The following PPARG variants were observed in gnomAD, a reference collection of about 807,000 sequenced individuals.
PPARG encodes peroxisome proliferator-activated receptor gamma.
A neutral mutation model predicts 39.2 loss-of-function variants in PPARG; 17 were observed. The ratio of observed to expected loss-of-function variants is 0.43; its 90% CI spans 0.30 to 0.65. The LOEUF (loss-of-function observed/expected upper bound fraction) is 0.65. Ranked by LOEUF, PPARG falls within the 30% of genes least tolerant of loss-of-function variation. The pLI, the probability that PPARG is intolerant of heterozygous loss-of-function variation, is 0.13. For synonymous variants in PPARG, 223 were observed against 215.7 expected (o/e 1.03, Z -0.30); for missense variants, 406 against 585.9 (o/e 0.69, Z 3.17).
At chr3:12,346,398 C>G (rs1186404104) in intron 2 of PPARG, among the ~76,000 whole-genome samples, 1 of 152,082 alleles carries the variant, frequency 6.6e-6, no homozygotes, top group African/African-American at 2.4e-5. Context: ...TATTCAGTAT[C>G]TCAACATTAA....
chr3:12,305,400 C>G (rs1319594807), intron 1 of PPARG, among the ~76,000 whole-genome samples: 2 of 152,130 alleles, frequency 1.3e-5, no homozygotes, highest in Non-Finnish European at 2.9e-5. Context: ...AAAGTATTGA[C>G]TCACTAATCT....
chr3:12,304,636 T>A (rs1365650796), intron 1 of PPARG, among the ~76,000 whole-genome samples: 1 of 152,246 alleles, frequency 6.6e-6, no homozygotes, highest in Non-Finnish European at 1.5e-5. Flanking sequence ...GTTATACTTT[T>A]CATTAAGATG....
At chr3:12,331,475 G>C (rs962722665) in intron 2 of PPARG, among the ~76,000 whole-genome samples, 1 of 152,162 alleles carries the variant, frequency 6.6e-6, no homozygotes, top group Non-Finnish European at 1.5e-5. Flanking sequence ...AGAGAAGCAA[G>C]AACTAGGTTA....
chr3:12,382,247 T>C (rs1006804459), intron 4 of PPARG, among the ~76,000 whole-genome samples: 1 of 152,160 alleles, frequency 6.6e-6, no homozygotes, highest in Non-Finnish European at 1.5e-5. Context: ...GGAAAGGAGA[T>C]ACTATTTATC....
At position 12,434,284 on chromosome 3, in the gene PPARG, AT is replaced by A; in HGVS notation, c.*141del. 4 of 1,096,908 alleles carry A rather than the reference AT, an allele frequency of 3.6e-6. No individual in the cohort carries two copies. The highest frequency in any genetic ancestry group is 5.3e-6 in the Non-Finnish European group (4 of 752,898). The allele number at this position is 1,096,908 out of a possible 1,614,324, so 67.9% of individuals were successfully genotyped here. A position where few individuals can be genotyped will look rare whatever the true frequency, so the allele number is the denominator to read the frequency against. ...TTAGAATATGATCTATTTTATGCATATTGTTTATAAAGACACATTTACAATT... is the reference window on the plus strand; with the variant it reads ...TTAGAATATGATCTATTTTATGCATATGTTTATAAAGACACATTTACAATT... On this transcript the variant is annotated 3_prime_UTR_variant, in exon 8 of 8. Coordinates refer to ENST00000651735, the MANE Select transcript of PPARG (RefSeq NM_138711.6). This position sits in a 1 kb window ranked among gnomAD's most constrained non-coding sequence, Gnocchi z 4.2.
intron 5 of PPARG, among the ~76,000 whole-genome samples, chr3:12,395,927 A>G (rs2050241541): frequency 6.6e-6 from 1 of 152,216 alleles, no homozygotes. Flanking sequence ...TGATCATTGC[A>G]TCAACTACTC....
Position 12,312,448 on chromosome 3 carries a change from T to G in PPARG, c.-14T>G, listed in dbSNP as rs970880720. 17 of 152,246 alleles carry G rather than the reference T, an allele frequency of 1.1e-4. No individual in the cohort carries two copies. Among genetic ancestry groups the G allele is most frequent in the African/African-American group, 4.1e-4 (17 of 41,470 alleles). 9.4% of individuals were successfully genotyped at this position (152,246 alleles called of 1,614,324 possible). A position where few individuals can be genotyped will look rare whatever the true frequency, so the allele number is the denominator to read the frequency against. On this transcript the variant is annotated 5_prime_UTR_variant, in exon 2 of 8. Coordinates refer to ENST00000651735, the MANE Select transcript of PPARG (RefSeq NM_138711.6). ...CATTTTCTCAAACGAGAGTCAGCCTTTAACGGTAAGTAAAATCAGAATTTA... is the reference window on the plus strand; with the variant it reads ...CATTTTCTCAAACGAGAGTCAGCCTGTAACGGTAAGTAAAATCAGAATTTA...
intron 2 of PPARG, among the ~76,000 whole-genome samples, chr3:12,334,993 G>C (rs2047969643): frequency 6.6e-6 from 1 of 152,198 alleles, no homozygotes; most frequent in Non-Finnish European, 1.5e-5. Context: ...TGAGTCACAA[G>C]GCCCATCATA....
At chr3:12,371,221 G>A (rs920772888) in intron 2 of PPARG, among the ~76,000 whole-genome samples, 27 of 152,286 alleles carry the variant, frequency 1.8e-4, no homozygotes, top group African/African-American at 5.8e-4. Context: ...TTCTACAGAT[G>A]GAGATTAGAT....
chr3:12,332,235 A>G (rs1009281229), intron 2 of PPARG, among the ~76,000 whole-genome samples: 21 of 152,352 alleles, frequency 1.4e-4, no homozygotes, highest in Non-Finnish European at 1.6e-4. Context: ...TTTCTTCAAC[A>G]TATTAAGCCA....
chr3:12,345,907 T>G (rs573118959), intron 2 of PPARG, among the ~76,000 whole-genome samples: 32 of 152,272 alleles, frequency 2.1e-4, no homozygotes, highest in African/African-American at 7.5e-4. Context: ...ATCTGAAAAC[T>G]GAAAAAGATA....
chr3:12,386,522 T>C (rs2049878356), intron 4 of PPARG, among the ~76,000 whole-genome samples: 1 of 143,390 alleles, frequency 7.0e-6, no homozygotes, highest in Non-Finnish European at 1.5e-5. Flanking sequence ...TTAATTCTCT[T>C]TTTTTTTTTT....
At position 12,370,086 on chromosome 3, in the gene PPARG, G is replaced by A. The variant is rs149904892; in HGVS notation, c.-8-9618G>A. ...GGTGGAGAACTCTGGGAAAGAGTAC[G>A]TGGGAGGTAACTTTTCTGGATGCCT... is the stretch of plus-strand genomic sequence containing the variant. On this transcript the variant is annotated intron_variant, in intron 2 of 7. Coordinates refer to ENST00000651735, the MANE Select transcript of PPARG (RefSeq NM_138711.6). 3.3e-3 allele frequency among the ~76,000 whole-genome samples: 499 copies of A among 152,138 alleles called. 6 individuals are homozygous for A. The highest frequency in any genetic ancestry group is 0.012 in the African/African-American group (481 of 41,500).
chr3:12,329,718 A>G (rs1285097112), intron 2 of PPARG, among the ~76,000 whole-genome samples: 1 of 152,138 alleles, frequency 6.6e-6, no homozygotes, highest in Non-Finnish European at 1.5e-5. Context: ...ACAATGTTGT[A>G]CAACTGTCAT....
intron 1 of PPARG, among the ~76,000 whole-genome samples, chr3:12,311,007 G>A (rs1364791791): frequency 1.3e-5 from 2 of 152,094 alleles, no homozygotes; most frequent in Non-Finnish European, 2.9e-5. Flanking sequence ...AAACATGTGG[G>A]CATTACACAC....
rs1340760071 is a variant in PPARG at position 12,434,185 on chromosome 3, A to T, written c.*40A>T. 1 of 1,613,594 alleles carries T rather than the reference A, an allele frequency of 6.2e-7. No individual in the cohort carries two copies. Among genetic ancestry groups the T allele is most frequent in the African/African-American group, 1.3e-5 (1 of 74,948 alleles). On this transcript the variant is annotated 3_prime_UTR_variant, in exon 8 of 8. Transcript: ENST00000651735. This position sits in a 1 kb window ranked among gnomAD's most constrained non-coding sequence, Gnocchi z 4.2. Reference sequence around the variant, plus strand: ...CCACTGCCAACATTTCCCTTCTTCCAGTTGCACTATTCTGAGGGAAAATCT... The same window carrying T: ...CCACTGCCAACATTTCCCTTCTTCCTGTTGCACTATTCTGAGGGAAAATCT...
At chr3:12,315,038 C>G (rs1446511623) in intron 2 of PPARG, among the ~76,000 whole-genome samples, 1 of 152,150 alleles carries the variant, frequency 6.6e-6, no homozygotes, top group Non-Finnish European at 1.5e-5. Context: ...ATTTACCCCA[C>G]AGTGCTATAG....
intron 1 of PPARG, among the ~76,000 whole-genome samples, chr3:12,296,755 C>A (rs73023314): frequency 0.1 from 15,665 of 152,104 alleles, 968 homozygotes; most frequent in Admixed American, 0.2. Flanking sequence ...CTAGTCTCCG[C>A]GTCAAAGACT....
chr3:12,324,705 G>A (rs112215093), intron 2 of PPARG, among the ~76,000 whole-genome samples: 4,098 of 152,222 alleles, frequency 0.027, 91 homozygotes, highest in Non-Finnish European at 0.037. Flanking sequence ...TTTATAAAAC[G>A]AACATGTTGA....
Sources: gnomAD v4.1 joint callset for allele counts (sites outside exome capture counted in the v4.1 genomes callset) on GRCh38, gnomAD v4.1.1 for gene constraint, Gnocchi (gnomAD v3.1) non-coding constraint, MANE v1.5 for transcripts, NCBI Gene and HGNC (gene_info 2026-07-23, HGNC 2026-07-21) for gene names.